Variants in MYO1D observed in about 807,000 individuals in gnomAD.
The protein encoded by MYO1D is unconventional myosin-Id.
MYO1D carries 83 observed loss-of-function variants against 122.0 expected under a neutral mutation model. That is an observed-to-expected ratio of 0.68 (90% CI 0.57 to 0.82). The LOEUF is 0.82. MYO1D is among the 40% of genes least tolerant of loss of function. The pLI, the probability that MYO1D is intolerant of heterozygous loss-of-function variation, is 0.00. For missense variants in MYO1D, 1,157 were observed against 1,269.5 expected (o/e 0.91, Z 1.35); for synonymous variants, 464 against 446.9 (o/e 1.04, Z -0.48).
chr17:32,799,640 T>C (rs1368166183), intron 1 of MYO1D, among the ~76,000 whole-genome samples: 1 of 149,442 alleles, frequency 6.7e-6, no homozygotes, highest in Non-Finnish European at 1.5e-5. Context: ...TTCTTGGATA[T>C]AACCTTAAAA....
rs537291630 is a variant in MYO1D at position 32,589,195 on chromosome 17, G to T, written c.2864+15892C>A. Among the ~76,000 whole-genome samples the T allele has an allele frequency of 3.9e-5, 6 of 152,160 alleles. No individual in the cohort carries two copies. The East Asian group carries it at 9.6e-4, about 24-fold the overall frequency. On this transcript the variant is annotated intron_variant, in intron 21 of 21. Transcript: ENST00000318217. ...ATGGCCACAAGGTGGCCGGCCTCGTGGGGAGGCAGACCTGGGGCTTGGATG... is the reference window on the plus strand; with the variant it reads ...ATGGCCACAAGGTGGCCGGCCTCGTTGGGAGGCAGACCTGGGGCTTGGATG...
intron 16 of MYO1D, among the ~76,000 whole-genome samples, chr17:32,662,487 A>G (rs1264126263): frequency 6.6e-6 from 1 of 152,194 alleles, no homozygotes; most frequent in Non-Finnish European, 1.5e-5. Flanking sequence ...CTTGGCCAAC[A>G]TGGTGAAACC....
chr17:32,730,415 T>G (rs911049301), intron 14 of MYO1D, among the ~76,000 whole-genome samples: 3 of 152,232 alleles, frequency 2.0e-5, no homozygotes, highest in African/African-American at 7.2e-5. Context: ...TATTTACCAA[T>G]TCTTTGCTCT....
At chr17:32,654,696 C>A (rs946682187) in intron 17 of MYO1D, 75 bp from the exon 18 acceptor site, 1 of 1,305,210 alleles carries the variant, frequency 7.7e-7, no homozygotes, top group Non-Finnish European at 1.0e-6. Context: ...TTTTTTTTTT[C>A]TTTTTTGAGT....
At chr17:32,866,144 G>C (rs1481170233) in intron 1 of MYO1D, among the ~76,000 whole-genome samples, 1 of 152,184 alleles carries the variant, frequency 6.6e-6, no homozygotes, top group Non-Finnish European at 1.5e-5. Context: ...AGCCTCCCCA[G>C]TAGCTGGGAC....
intron 1 of MYO1D, among the ~76,000 whole-genome samples, chr17:32,838,234 C>T (rs2090846130): frequency 6.6e-6 from 1 of 152,160 alleles, no homozygotes; most frequent in African/African-American, 2.4e-5. Context: ...GGTCTCATCT[C>T]TAACTCTTAT....
intron 16 of MYO1D, among the ~76,000 whole-genome samples, chr17:32,677,694 G>A (rs1178593663): frequency 7.3e-5 from 11 of 151,054 alleles, no homozygotes; most frequent in Admixed American, 5.3e-4. Flanking sequence ...ATACGGTATA[G>A]TTTTTAATAT....
intron 21 of MYO1D, among the ~76,000 whole-genome samples, chr17:32,524,253 A>G (rs1352234287): frequency 1.3e-5 from 2 of 152,220 alleles, no homozygotes; most frequent in African/African-American, 4.8e-5. Context: ...TTGGTGGAGC[A>G]TGCTTCCTTC....
intron 1 of MYO1D, among the ~76,000 whole-genome samples, chr17:32,820,761 G>T (rs902927802): frequency 7.9e-5 from 12 of 152,198 alleles, no homozygotes; most frequent in African/African-American, 2.7e-4. Flanking sequence ...ATAAGGTGAT[G>T]ACTACGTTAA....
intron 19 of MYO1D, among the ~76,000 whole-genome samples, chr17:32,642,889 C>T (rs563879749): frequency 3.9e-5 from 6 of 152,302 alleles, no homozygotes; most frequent in African/African-American, 9.6e-5. Context: ...ATTTGACTTC[C>T]TCTTTTCCTA....
chr17:32,772,763 A>G, intron 5 of MYO1D, 26 bp downstream of exon 5: 1 of 1,558,766 alleles, frequency 6.4e-7, no homozygotes, highest in Non-Finnish European at 8.9e-7. Flanking sequence ...GCAAATGATC[A>G]ATTATCTGTA....
intron 11 of MYO1D, among the ~76,000 whole-genome samples, chr17:32,749,871 G>A (rs1216159030): frequency 6.6e-6 from 1 of 152,180 alleles, no homozygotes; most frequent in Non-Finnish European, 1.5e-5. Context: ...CTTACTAGTT[G>A]TTAGGCATAC....
At chr17:32,518,240 G>C (rs1909969315) in intron 21 of MYO1D, 1 of 183,238 alleles carries the variant, frequency 5.5e-6, no homozygotes, top group Admixed American at 5.9e-5. Context: ...CAGCCCTTGT[G>C]GAACAGTGAT....
intron 21 of MYO1D, among the ~76,000 whole-genome samples, chr17:32,596,893 C>T (rs2150908148): frequency 6.6e-6 from 1 of 152,302 alleles, no homozygotes. Context: ...GGCAGAAAAG[C>T]TCAGTACCAG....
chr17:32,712,953 A>G (rs2150987181), intron 15 of MYO1D, among the ~76,000 whole-genome samples: 1 of 152,268 alleles, frequency 6.6e-6, no homozygotes, highest in South Asian at 2.1e-4. Context: ...TCTAGCCTAC[A>G]CTCACAGGAA....
chr17:32,642,415 C>G (rs1477090853), intron 19 of MYO1D, among the ~76,000 whole-genome samples: 1 of 152,156 alleles, frequency 6.6e-6, no homozygotes, highest in African/African-American at 2.4e-5. Flanking sequence ...GCAATGCAGG[C>G]TCTTTTTTGG....
At chr17:32,573,943 C>G (rs894562899) in intron 21 of MYO1D, among the ~76,000 whole-genome samples, 3 of 152,224 alleles carry the variant, frequency 2.0e-5, no homozygotes, top group Non-Finnish European at 4.4e-5. Flanking sequence ...GCTCCGCCCC[C>G]CAGGGTTCAC....
chr17:32,624,786 CT>C (rs11332360), intron 20 of MYO1D, among the ~76,000 whole-genome samples: 3,504 of 140,126 alleles, frequency 0.025, 102 homozygotes, highest in African/African-American at 0.084. Flanking sequence ...TTTTTTGTAT[CT>C]TTTTTTTTTT....
intron 16 of MYO1D, among the ~76,000 whole-genome samples, chr17:32,678,800 T>C (rs1232490311): frequency 6.6e-6 from 1 of 150,680 alleles, no homozygotes; most frequent in Non-Finnish European, 1.5e-5. Flanking sequence ...GGTCAAATGG[T>C]ATTTCTAGTT....
Sources: gnomAD v4.1 joint callset for allele counts (sites outside exome capture counted in the v4.1 genomes callset) on GRCh38, gnomAD v4.1.1 for gene constraint, MANE v1.5 for transcripts, NCBI Gene and HGNC (gene_info 2026-07-23, HGNC 2026-07-21) for gene names.